Variants in NKAIN3 observed in about 807,000 individuals in gnomAD.
NKAIN3 encodes sodium/potassium transporting ATPase interacting 3.
A neutral mutation model predicts 30.2 loss-of-function variants in NKAIN3; 25 were observed. The observed-to-expected ratio is 0.83, with a 90% CI of 0.60 to 1.16. The LOEUF (loss-of-function observed/expected upper bound fraction) is 1.16, where lower values mean the gene tolerates loss of function less well. Ranked by LOEUF, NKAIN3 falls within the 50% of genes most tolerant of loss-of-function variation. NKAIN3 has a pLI of 0.00. For missense variants in NKAIN3, 225 were observed against 254.1 expected (o/e 0.89, Z 0.78); for synonymous variants, 91 against 89.6 (o/e 1.02, Z -0.09).
chr8:62,335,164 G>A (rs1326991582), intron 1 of NKAIN3, among the ~76,000 whole-genome samples: 8 of 152,056 alleles, frequency 5.3e-5, no homozygotes, highest in African/African-American at 1.9e-4. Flanking sequence ...GCAGGGCACA[G>A]TGGCTCAAGC....
intron 1 of NKAIN3, among the ~76,000 whole-genome samples, chr8:62,509,711 G>C (rs1807760878): frequency 2.0e-5 from 3 of 151,972 alleles, no homozygotes; most frequent in Non-Finnish European, 2.9e-5. Context: ...CTTCTACTAG[G>C]AATTTTCTTT....
chr8:62,959,663 T>C (rs1425038639), intron 6 of NKAIN3, among the ~76,000 whole-genome samples: 3 of 152,316 alleles, frequency 2.0e-5, no homozygotes, highest in South Asian at 2.1e-4. Context: ...CACTGAGCTA[T>C]GTCAAATTCT....
intron 5 of NKAIN3, among the ~76,000 whole-genome samples, chr8:62,942,939 A>C (rs1055233692): frequency 6.6e-6 from 1 of 152,202 alleles, no homozygotes; most frequent in Non-Finnish European, 1.5e-5. Context: ...ATTCTAGAGG[A>C]TAATATTGGA....
At chr8:62,648,978 G>A (rs1291394489) in intron 3 of NKAIN3, among the ~76,000 whole-genome samples, 3 of 152,134 alleles carry the variant, frequency 2.0e-5, no homozygotes, top group African/African-American at 7.2e-5. Flanking sequence ...AGCCTCAATG[G>A]ATTCTCTTCA....
chr8:62,832,100 T>A (rs1819214980), intron 4 of NKAIN3, among the ~76,000 whole-genome samples: 1 of 152,154 alleles, frequency 6.6e-6, no homozygotes, highest in Admixed American at 6.6e-5. Flanking sequence ...AAGAATTTTA[T>A]ATCTCACCAA....
chr8:62,798,261 T>C (rs1387194102), intron 4 of NKAIN3, among the ~76,000 whole-genome samples: 1 of 152,082 alleles, frequency 6.6e-6, no homozygotes, highest in Non-Finnish European at 1.5e-5. Flanking sequence ...GATATTTAAT[T>C]GCAGCTCCAC....
chr8:62,836,681 C>T (rs923699133), intron 4 of NKAIN3, among the ~76,000 whole-genome samples: 22 of 152,058 alleles, frequency 1.4e-4, no homozygotes, highest in African/African-American at 5.1e-4. Context: ...ATGAGTCAGC[C>T]TGGCTGGAGC....
Position 62,981,188 on chromosome 8 carries a change from A to C in NKAIN3, c.*15781A>C, listed in dbSNP as rs748092842. 6.6e-6 allele frequency: 1 copy of C among 152,166 alleles called. No homozygotes were observed. Among genetic ancestry groups the C allele is most frequent in the Non-Finnish European group, 1.5e-5 (1 of 68,036 alleles). 9.4% of individuals were successfully genotyped at this position (152,166 alleles called of 1,614,324 possible). A position where few individuals can be genotyped will look rare whatever the true frequency, so the allele number is the denominator to read the frequency against. On this transcript the variant is annotated 3_prime_UTR_variant, in exon 7 of 7. Coordinates refer to ENST00000623646, the MANE Select transcript of NKAIN3 (RefSeq NM_001304533.3). Reference sequence around the variant, plus strand: ...ACCTTCCTTGATTCTATTCTGCCTAAGCCTCTTATTTCCACATCTATAAGT... The same window carrying C: ...ACCTTCCTTGATTCTATTCTGCCTACGCCTCTTATTTCCACATCTATAAGT...
At chr8:62,282,935 AC>A (rs1813252146) in intron 1 of NKAIN3, among the ~76,000 whole-genome samples, 2 of 152,124 alleles carry the variant, frequency 1.3e-5, no homozygotes. Context: ...ATTATAGTCC[AC>A]ATAAAAAGCC....
intron 3 of NKAIN3, among the ~76,000 whole-genome samples, chr8:62,615,797 C>G (rs532196145): frequency 6.6e-6 from 1 of 152,146 alleles, no homozygotes; most frequent in South Asian, 2.1e-4. Flanking sequence ...GTCACTCCCC[C>G]AGTGCCCAGA....
intron 3 of NKAIN3, among the ~76,000 whole-genome samples, chr8:62,702,896 CAT>C (rs1814386275): frequency 6.6e-6 from 1 of 152,078 alleles, no homozygotes; most frequent in African/African-American, 2.4e-5. Flanking sequence ...ACATATACAA[CAT>C]GTCAATGTAA....
At chr8:62,766,579 A>G (rs1371319096) in intron 4 of NKAIN3, among the ~76,000 whole-genome samples, 3 of 152,208 alleles carry the variant, frequency 2.0e-5, no homozygotes, top group African/African-American at 7.2e-5. Flanking sequence ...ACTTGAGTGC[A>G]GATCATTGAT....
At chr8:62,460,271 G>C (rs535384461) in intron 1 of NKAIN3, among the ~76,000 whole-genome samples, 1 of 152,128 alleles carries the variant, frequency 6.6e-6, no homozygotes, top group East Asian at 1.9e-4. Flanking sequence ...AATTAGCCGG[G>C]TGTGGTGGCA....
chr8:62,903,219 G>A (rs1821665082), intron 4 of NKAIN3, among the ~76,000 whole-genome samples: 2 of 152,174 alleles, frequency 1.3e-5, no homozygotes, highest in South Asian at 4.1e-4. Flanking sequence ...TTGGAGTCCA[G>A]GGTGCCAGTG....
At chr8:62,990,525 T>A (rs910805408) in intron 5 of NKAIN3, 6 of 342,780 alleles carry the variant, frequency 1.8e-5, no homozygotes, top group Middle Eastern at 1.1e-3. Flanking sequence ...TTCACCAATT[T>A]ATGATTTGTG....
intron 3 of NKAIN3, among the ~76,000 whole-genome samples, chr8:62,682,849 A>G (rs1406386799): frequency 6.6e-6 from 1 of 152,034 alleles, no homozygotes; most frequent in Non-Finnish European, 1.5e-5. Flanking sequence ...GGAGAATCTG[A>G]GCTCAGACAC....
At chr8:62,926,281 G>A (rs141669411) in intron 5 of NKAIN3, among the ~76,000 whole-genome samples, 19 of 152,314 alleles carry the variant, frequency 1.2e-4, no homozygotes, top group African/African-American at 4.6e-4. Context: ...CATCTTGCCA[G>A]GGCCTCTGTG....
intron 1 of NKAIN3, among the ~76,000 whole-genome samples, chr8:62,309,832 A>G (rs1046347586): frequency 6.6e-6 from 1 of 150,528 alleles, no homozygotes; most frequent in South Asian, 2.1e-4. Flanking sequence ...ACATACCAGT[A>G]TATCTCCAAA....
intron 3 of NKAIN3, among the ~76,000 whole-genome samples, chr8:62,629,893 C>G (rs997049737): frequency 6.6e-6 from 1 of 151,996 alleles, no homozygotes; most frequent in Non-Finnish European, 1.5e-5. Context: ...TTAAAAGGTG[C>G]ATACTAATCT....
Sources: gnomAD v4.1 joint callset for allele counts (sites outside exome capture counted in the v4.1 genomes callset) on GRCh38, gnomAD v4.1.1 for gene constraint, MANE v1.5 for transcripts, NCBI Gene and HGNC (gene_info 2026-07-23, HGNC 2026-07-21) for gene names.